RORA: variants seen among roughly 807,000 people sequenced by gnomAD.
RORA encodes nuclear receptor ROR-alpha.
A neutral mutation model predicts 69.5 loss-of-function variants in RORA; 7 were observed. The observed-to-expected ratio is 0.10, with a 90% CI of 0.06 to 0.19. The LOEUF (loss-of-function observed/expected upper bound fraction) is 0.19, where lower values mean the gene tolerates loss of function less well. Among genes scored for constraint, RORA ranks in the 10% least tolerant of loss-of-function variants. The pLI is 1.00. For missense variants in RORA, 457 were observed against 663.0 expected (o/e 0.69, Z 3.41); for synonymous variants, 261 against 240.8 (o/e 1.08, Z -0.78).
intron 1 of RORA, among the ~76,000 whole-genome samples, chr15:60,716,713 C>T (rs975801147): frequency 6.6e-6 from 1 of 152,062 alleles, no homozygotes; most frequent in Non-Finnish European, 1.5e-5. Flanking sequence ...TAAGACCCTC[C>T]TCAGAGAGAG....
In RORA at chr15:61,147,336, G is replaced by A. The variant is rs56283951; in HGVS notation, c.166+81717C>T. Reference sequence around the variant, plus strand: ...GTGCCTGGCCAGTCCCACTAGGCTTGGCTCTTCCAGTTCCTGCTGGAAGCC... The same window carrying A: ...GTGCCTGGCCAGTCCCACTAGGCTTAGCTCTTCCAGTTCCTGCTGGAAGCC... On this transcript the variant is annotated intron_variant, in intron 1 of 10. Coordinates refer to ENST00000335670, the MANE Select transcript of RORA (RefSeq NM_134261.3). The surrounding 1 kb of genome is among the most constrained non-coding windows in gnomAD (Gnocchi z 4.1). Among the ~76,000 whole-genome samples the A allele has an allele frequency of 0.15, 22,789 of 152,108 alleles. 1,900 individuals are homozygous for A. Among genetic ancestry groups the A allele is most frequent in the Non-Finnish European group, 0.18 (12,092 of 67,988 alleles).
intron 1 of RORA, among the ~76,000 whole-genome samples, chr15:60,780,995 A>T (rs1346430776): frequency 6.6e-6 from 1 of 152,216 alleles, no homozygotes; most frequent in Non-Finnish European, 1.5e-5. Flanking sequence ...TTCTATTATT[A>T]TCCCCATTTC....
chr15:61,095,508 AATCT>A (rs762664475), intron 1 of RORA, among the ~76,000 whole-genome samples: 2 of 152,216 alleles, frequency 1.3e-5, no homozygotes, highest in Non-Finnish European at 2.9e-5. Flanking sequence ...CCATCTGAGG[AATCT>A]TGGCTACTTT....
At chr15:60,662,253 A>T (rs962521682) in intron 2 of RORA, among the ~76,000 whole-genome samples, 1 of 152,332 alleles carries the variant, frequency 6.6e-6, no homozygotes, top group East Asian at 1.9e-4. Flanking sequence ...TTAATTTGCA[A>T]GTAGTTGCTA....
intron 1 of RORA, among the ~76,000 whole-genome samples, chr15:60,935,614 A>G (rs1326101554): frequency 6.6e-6 from 1 of 152,228 alleles, no homozygotes; most frequent in Non-Finnish European, 1.5e-5. Flanking sequence ...CTATAAATGG[A>G]CAGCCCTCTC....
At chr15:61,117,137 G>A (rs1344566073) in intron 1 of RORA, among the ~76,000 whole-genome samples, 5 of 150,326 alleles carry the variant, frequency 3.3e-5, no homozygotes, top group African/African-American at 7.3e-5. Flanking sequence ...TTTTTTCATA[G>A]ATGGGTAATT....
At chr15:60,520,450 CAGATA>C (rs1222403836) in intron 3 of RORA, among the ~76,000 whole-genome samples, 1 of 151,998 alleles carries the variant, frequency 6.6e-6, no homozygotes. Context: ...GAAAATTAAA[CAGATA>C]AGATACTAAG....
At chr15:60,696,683 T>C (rs1413503743) in intron 1 of RORA, among the ~76,000 whole-genome samples, 1 of 152,196 alleles carries the variant, frequency 6.6e-6, no homozygotes, top group Non-Finnish European at 1.5e-5. Context: ...ATACTCACTT[T>C]ATATGACCCT....
At chr15:60,806,115 T>A (rs749378319) in intron 1 of RORA, among the ~76,000 whole-genome samples, 2 of 152,180 alleles carry the variant, frequency 1.3e-5, no homozygotes, top group Non-Finnish European at 2.9e-5. Context: ...GCCTTGAAAT[T>A]CTTCCTTTCA....
rs1046945573 is a variant in RORA, at chr15:61,147,970, A to T, written c.166+81083T>A. Among the ~76,000 whole-genome samples, 1 of 151,018 alleles carries T rather than the reference A, an allele frequency of 6.6e-6. No individual in the cohort carries two copies. Among genetic ancestry groups the T allele is most frequent in the African/African-American group, 2.5e-5 (1 of 40,284 alleles). On this transcript the variant is annotated intron_variant, in intron 1 of 10. Transcript: ENST00000335670. The surrounding 1 kb of genome is among the most constrained non-coding windows in gnomAD (Gnocchi z 4.1). Reference sequence around the variant, plus strand: ...GAAGGTTATGGAGAGCCACTAGGGGACTTGAAACAAAGGGTGACAGAAACT... The same window carrying T: ...GAAGGTTATGGAGAGCCACTAGGGGTCTTGAAACAAAGGGTGACAGAAACT...
intron 1 of RORA, among the ~76,000 whole-genome samples, chr15:61,222,230 C>T (rs2080104392): frequency 6.6e-6 from 1 of 152,156 alleles, no homozygotes; most frequent in South Asian, 2.1e-4. Flanking sequence ...TAGCTGACCA[C>T]CAGGGCCCCA....
intron 1 of RORA, among the ~76,000 whole-genome samples, chr15:61,179,977 A>G (rs1438224545): frequency 7.0e-6 from 1 of 142,684 alleles, no homozygotes; most frequent in African/African-American, 2.6e-5. Context: ...TTCTACTAAA[A>G]AAAAAAACAA....
intron 1 of RORA, among the ~76,000 whole-genome samples, chr15:60,771,796 T>C (rs1234430004): frequency 6.6e-6 from 1 of 152,210 alleles, no homozygotes; most frequent in African/African-American, 2.4e-5. Context: ...GTAGATCAGT[T>C]GTCTCATCTG....
intron 1 of RORA, among the ~76,000 whole-genome samples, chr15:60,759,099 G>A (rs1347215911): frequency 6.6e-6 from 1 of 152,148 alleles, no homozygotes; most frequent in Non-Finnish European, 1.5e-5. Context: ...AATGCTGAAT[G>A]AATAGTCATT....
chr15:61,050,629 C>T (rs1897247494), intron 1 of RORA, among the ~76,000 whole-genome samples: 1 of 152,164 alleles, frequency 6.6e-6, no homozygotes, highest in Middle Eastern at 3.2e-3. Flanking sequence ...AGAAAGAATG[C>T]AAGCATGTGT....
intron 2 of RORA, among the ~76,000 whole-genome samples, chr15:60,650,217 A>C (rs2140694658): frequency 6.6e-6 from 1 of 152,290 alleles, no homozygotes; most frequent in South Asian, 2.1e-4. Flanking sequence ...AGGAAAAAAA[A>C]AAAAGTGGAG....
At chr15:61,080,393 G>A (rs527271531) in intron 1 of RORA, among the ~76,000 whole-genome samples, 6 of 152,262 alleles carry the variant, frequency 3.9e-5, no homozygotes, top group Admixed American at 3.3e-4. Context: ...AGAAACTAGA[G>A]GGCAGGACCA....
At chr15:61,006,093 C>T (rs1448317360) in intron 1 of RORA, among the ~76,000 whole-genome samples, 1 of 151,996 alleles carries the variant, frequency 6.6e-6, no homozygotes, top group Non-Finnish European at 1.5e-5. Flanking sequence ...CTCAGCTTCC[C>T]GAGTAGCTGG....
At chr15:60,976,764 G>A (rs1010941367) in intron 1 of RORA, among the ~76,000 whole-genome samples, 3 of 152,120 alleles carry the variant, frequency 2.0e-5, no homozygotes, top group African/African-American at 7.2e-5. Flanking sequence ...CCCTGACCCT[G>A]GTGAGTGAGC....
Sources: gnomAD v4.1 joint callset for allele counts (sites outside exome capture counted in the v4.1 genomes callset) on GRCh38, gnomAD v4.1.1 for gene constraint, Gnocchi (gnomAD v3.1) non-coding constraint, MANE v1.5 for transcripts, NCBI Gene and HGNC (gene_info 2026-07-23, HGNC 2026-07-21) for gene names.